PSMA8: variants seen among roughly 807,000 people sequenced by gnomAD.
PSMA8 encodes the protein proteasome subunit alpha-type 8.
PSMA8 carries 18 observed loss-of-function variants against 32.4 expected under a neutral mutation model. The ratio of observed to expected loss-of-function variants is 0.56; its 90% CI spans 0.38 to 0.82. The LOEUF (loss-of-function observed/expected upper bound fraction) is 0.82, where lower values mean the gene tolerates loss of function less well. Among genes scored for constraint, PSMA8 ranks in the 40% least tolerant of loss-of-function variants. The pLI, the probability that PSMA8 is intolerant of heterozygous loss-of-function variation, is 0.00. For missense variants in PSMA8, 298 were observed against 300.7 expected, an observed-to-expected ratio of 0.99 and a Z score of 0.07; for synonymous variants, 104 against 98.1, an observed-to-expected ratio of 1.06 and a Z score of -0.36.
chr18:26,151,165 G>A (rs2055042448), intron 2 of PSMA8, among the ~76,000 whole-genome samples: 1 of 152,216 alleles, frequency 6.6e-6, no homozygotes, highest in Non-Finnish European at 1.5e-5. Context: ...ACAAGAATTT[G>A]TGACAGCAAA....
rs1598679856 is a variant in PSMA8 at position 26,192,470 on chromosome 18, G to C, written c.*59G>C. ...TTGTTTTATTGTACTGCCTGAGGTT[G>C]TTTAGTGAAATTTTAGAGGAAAACA... On this transcript the variant is annotated 3_prime_UTR_variant, in exon 7 of 7. Coordinates refer to ENST00000415576, the MANE Select transcript of PSMA8 (RefSeq NM_001025096.2). 2.2e-5 allele frequency: 33 copies of C among 1,470,800 alleles called. No individual in the cohort carries two copies. In the East Asian group the frequency reaches 8.7e-4, roughly 39 times the overall value. 91.1% of individuals were successfully genotyped at this position (1,470,800 alleles called of 1,614,324 possible). A position where few individuals can be genotyped will look rare whatever the true frequency, so the allele number is the denominator to read the frequency against.
At chr18:26,159,330 A>G (rs1269881617) in intron 4 of PSMA8, among the ~76,000 whole-genome samples, 1 of 152,198 alleles carries the variant, frequency 6.6e-6, no homozygotes, top group Non-Finnish European at 1.5e-5. Flanking sequence ...TTCTTACAAC[A>G]AATATCAGAA....
rs569249998 is a variant in PSMA8 at position 26,172,474 on chromosome 18, T to G, written c.478-6356T>G. 2.1e-4 allele frequency among the ~76,000 whole-genome samples: 32 copies of G among 152,310 alleles called. No homozygotes were observed. The South Asian group carries it at 6.6e-3, about 32-fold the overall frequency. On this transcript the variant is annotated intron_variant, in intron 4 of 6. Transcript: ENST00000415576. ...CAGGGAACTGACTTGCAGGCTATAATTTTCTGACCCCTAGACTATATATAG... is the reference window on the plus strand; with the variant it reads ...CAGGGAACTGACTTGCAGGCTATAAGTTTCTGACCCCTAGACTATATATAG...
In PSMA8 at chr18:26,144,555, A is replaced by G. The variant is rs1457617684; in HGVS notation, c.103-4A>G. 6.2e-7 allele frequency: 1 copy of G among 1,611,268 alleles called. No individual in the cohort carries two copies. Among genetic ancestry groups the G allele is most frequent in the Admixed American group, 1.7e-5 (1 of 59,984 alleles). On this transcript the variant is annotated splice_region_variant and splice_polypyrimidine_tract_variant and intron_variant, in intron 1 of 6. Coordinates refer to ENST00000415576, the MANE Select transcript of PSMA8 (RefSeq NM_001025096.2). The stretch of plus-strand genomic sequence containing the variant: ...AATATATATGTATTTTAATGACTTG[A>G]CAGGTCGGAATTCGAGGTACCAATA...
At chr18:26,153,307 GC>G in intron 3 of PSMA8, among the ~76,000 whole-genome samples, 1 of 151,494 alleles carries the variant, frequency 6.6e-6, no homozygotes, top group East Asian at 1.9e-4. Flanking sequence ...CTTTCCCACA[GC>G]TTTTGTTTTT....
At position 26,170,839 on chromosome 18, in the gene PSMA8, G is replaced by GA. The variant is rs1415458862; in HGVS notation, c.478-7985dup. ...TTATATTTCTCCAAATCAATTTCTG[G>GA]AAAAAACGTGTCACTTTCAAAGTCT... On this transcript the variant is annotated intron_variant, in intron 4 of 6. Coordinates refer to ENST00000415576, the MANE Select transcript of PSMA8 (RefSeq NM_001025096.2). The GA allele has an allele frequency of 1.0e-5, 16 of 1,558,822 alleles. 4 individuals are homozygous for GA. In the East Asian group the frequency reaches 3.6e-4, roughly 35 times the overall value.
intron 6 of PSMA8, among the ~76,000 whole-genome samples, chr18:26,182,076 G>C (rs1207109164): frequency 6.6e-6 from 1 of 152,180 alleles, no homozygotes; most frequent in Non-Finnish European, 1.5e-5. Flanking sequence ...AGAGGGGTGA[G>C]GAAGCGGAAG....
chr18:26,184,221 T>C (rs2055334723), intron 6 of PSMA8, among the ~76,000 whole-genome samples: 1 of 150,638 alleles, frequency 6.6e-6, no homozygotes, highest in Non-Finnish European at 1.5e-5. Flanking sequence ...AGAGAGAGAA[T>C]ATCAATATGT....
chr18:26,186,763 T>C (rs1330365638), intron 6 of PSMA8, among the ~76,000 whole-genome samples: 1 of 152,202 alleles, frequency 6.6e-6, no homozygotes, highest in African/African-American at 2.4e-5. Flanking sequence ...GATTAGATAA[T>C]ATAAAAACTC....
chr18:26,154,041 A>G (rs1174980713), intron 3 of PSMA8, among the ~76,000 whole-genome samples: 1 of 152,134 alleles, frequency 6.6e-6, no homozygotes, highest in Non-Finnish European at 1.5e-5. Flanking sequence ...AGCTGGGATT[A>G]CCGGCACATG....
chr18:26,187,944 A>T (rs911912572), intron 6 of PSMA8, among the ~76,000 whole-genome samples: 1 of 152,230 alleles, frequency 6.6e-6, no homozygotes, highest in Non-Finnish European at 1.5e-5. Flanking sequence ...TATCTAATAG[A>T]TATTTACAGA....
chr18:26,136,441 C>A (rs913450031), intron 1 of PSMA8, among the ~76,000 whole-genome samples: 7 of 152,200 alleles, frequency 4.6e-5, no homozygotes, highest in South Asian at 2.1e-4. Context: ...ATCCTATCCA[C>A]CCTCTTAATT....
chr18:26,165,217 C>T (rs1307807367), intron 4 of PSMA8, among the ~76,000 whole-genome samples: 2 of 152,118 alleles, frequency 1.3e-5, no homozygotes, highest in African/African-American at 4.8e-5. Flanking sequence ...CCGAGAACAA[C>T]TTTGTTTTAA....
chr18:26,185,063 G>A (rs1168143094), intron 6 of PSMA8, among the ~76,000 whole-genome samples: 1 of 143,176 alleles, frequency 7.0e-6, no homozygotes, highest in African/African-American at 2.6e-5. Flanking sequence ...CTCCAGCCTG[G>A]GCAACAAGAG....
intron 6 of PSMA8, among the ~76,000 whole-genome samples, chr18:26,180,523 A>G (rs988025780): frequency 2.6e-5 from 4 of 152,128 alleles, no homozygotes; most frequent in African/African-American, 9.7e-5. Context: ...AGAGCCCCAC[A>G]TAAATTACAG....
At chr18:26,191,142 C>T (rs1056770897) in intron 6 of PSMA8, among the ~76,000 whole-genome samples, 4 of 152,066 alleles carry the variant, frequency 2.6e-5, no homozygotes, top group Non-Finnish European at 5.9e-5. Context: ...CTTTGTGAAT[C>T]TATGTTTTCT....
intron 4 of PSMA8, among the ~76,000 whole-genome samples, chr18:26,165,435 A>G (rs2055170475): frequency 6.6e-6 from 1 of 152,228 alleles, no homozygotes; most frequent in Admixed American, 6.5e-5. Context: ...ACTTTTCGTA[A>G]GTTTAAATTT....
chr18:26,153,239 G>A (rs916481036), intron 3 of PSMA8, among the ~76,000 whole-genome samples: 2 of 151,724 alleles, frequency 1.3e-5, no homozygotes, highest in Non-Finnish European at 2.9e-5. Flanking sequence ...ATTGTTCCTG[G>A]TTTCTTTCAT....
At chr18:26,187,551 T>C (rs1568072922) in intron 6 of PSMA8, among the ~76,000 whole-genome samples, 1 of 151,464 alleles carries the variant, frequency 6.6e-6, no homozygotes, top group Non-Finnish European at 1.5e-5. Context: ...ACTTCACCTA[T>C]AAAGACAAAC....
Sources: gnomAD v4.1 joint callset for allele counts (sites outside exome capture counted in the v4.1 genomes callset) on GRCh38, gnomAD v4.1.1 for gene constraint, MANE v1.5 for transcripts, NCBI Gene and HGNC (gene_info 2026-07-23, HGNC 2026-07-21) for gene names.